The following JADE3 variants were observed in gnomAD, a reference collection of about 807,000 sequenced individuals.
JADE3 encodes jade family PHD finger 3.
A neutral mutation model predicts 50.1 loss-of-function variants in JADE3; 2 were observed. The observed-to-expected ratio is 0.04, with a 90% CI of 0.02 to 0.13. The LOEUF is 0.13. Ranked by LOEUF, JADE3 falls within the 10% of genes least tolerant of loss-of-function variation. The pLI, the probability that JADE3 is intolerant of heterozygous loss-of-function variation, is 1.00. For synonymous variants in JADE3, 218 were observed against 232.9 expected (o/e 0.94, Z 0.58); for missense variants, 475 against 634.4 (o/e 0.75, Z 2.70).
intron 1 of JADE3, among the ~76,000 whole-genome samples, chrX:46,966,917 G>C (rs782013655): frequency 3.6e-5 from 4 of 111,972 alleles, no homozygotes; most frequent in African/African-American, 1.3e-4. Context: ...CATATGTTTA[G>C]AGCTGTCTAG....
At chrX:46,917,667 G>T (rs1926114576) in intron 1 of JADE3, among the ~76,000 whole-genome samples, 1 of 110,822 alleles carries the variant, frequency 9.0e-6, no homozygotes, top group Non-Finnish European at 1.9e-5. Flanking sequence ...AGGACTTGGG[G>T]TAAGAGAGAT....
intron 4 of JADE3, among the ~76,000 whole-genome samples, chrX:47,010,538 A>G (rs1207616252): frequency 1.8e-5 from 2 of 112,577 alleles, no homozygotes; most frequent in African/African-American, 3.2e-5. Context: ...AAATCAAGAT[A>G]GAATTCACAT....
At position 47,041,484 on chromosome X, in the gene JADE3, G is replaced by A. The variant is rs142405175; in HGVS notation, c.972+2419G>A. On this transcript the variant is annotated intron_variant, in intron 8 of 10. Coordinates refer to ENST00000614628, the MANE Select transcript of JADE3 (RefSeq NM_014735.5). ...TAGCTCACTGCAGCCTTGAACTCCC[G>A]GGCTCAAATGATCCTCCCGAGTAGC... Among the ~76,000 whole-genome samples, 319 of 109,732 alleles carry A rather than the reference G, an allele frequency of 2.9e-3. 1 individual carries two copies. The highest frequency in any genetic ancestry group is 9.9e-3 in the African/African-American group (299 of 30,160).
chrX:47,023,187 A>G (rs935332689), intron 4 of JADE3, among the ~76,000 whole-genome samples: 1 of 111,346 alleles, frequency 9.0e-6, no homozygotes, highest in Non-Finnish European at 1.9e-5. Context: ...AACGTGTGCC[A>G]TGGTCGTTTG....
At chrX:47,033,364 C>T (rs1317241612) in intron 6 of JADE3, among the ~76,000 whole-genome samples, 2 of 112,063 alleles carry the variant, frequency 1.8e-5, no homozygotes, top group Non-Finnish European at 3.8e-5. Flanking sequence ...GTTGGGTTAA[C>T]GGTTGGCTGT....
chrX:47,018,614 G>A (rs1288368094), intron 4 of JADE3, among the ~76,000 whole-genome samples: 2 of 112,188 alleles, frequency 1.8e-5, no homozygotes, highest in East Asian at 5.6e-4. Context: ...GATTACAGGT[G>A]TGAGCCGCCG....
intron 4 of JADE3, among the ~76,000 whole-genome samples, chrX:47,001,241 C>T (rs1210891345): frequency 9.0e-6 from 1 of 111,341 alleles, no homozygotes; most frequent in East Asian, 2.8e-4. Context: ...GCATCAGAAT[C>T]ATTTGGAGGG....
At chrX:46,923,190 C>A (rs142332308) in intron 1 of JADE3, among the ~76,000 whole-genome samples, 1 of 107,403 alleles carries the variant, frequency 9.3e-6, no homozygotes, top group South Asian at 4.1e-4. Context: ...TTTTTAAGAT[C>A]TTTTGTAGAG....
chrX:47,033,529 G>A, intron 6 of JADE3, 92 bp from the exon 7 acceptor site: 1 of 706,642 alleles, frequency 1.4e-6, no homozygotes. Context: ...TCTCCCAAAA[G>A]CAGAGGATAC....
chrX:46,963,161 A>G (rs1239944584), intron 1 of JADE3, among the ~76,000 whole-genome samples: 1 of 111,921 alleles, frequency 8.9e-6, no homozygotes, highest in African/African-American at 3.2e-5. Flanking sequence ...ATAGTTAACC[A>G]CTGGTTGCAG....
chrX:46,938,473 A>C (rs1556341615), intron 1 of JADE3, among the ~76,000 whole-genome samples: 1 of 111,728 alleles, frequency 9.0e-6, no homozygotes, highest in African/African-American at 3.3e-5. Context: ...TCCTTTCTTT[A>C]TGTCATAGTT....
At chrX:47,052,203 C>T (rs1929524496) in intron 8 of JADE3, among the ~76,000 whole-genome samples, 1 of 109,783 alleles carries the variant, frequency 9.1e-6, no homozygotes, top group African/African-American at 3.3e-5. Flanking sequence ...CAGGTCCTTC[C>T]CCCTTTGCCC....
chrX:47,058,134 G>A (rs1929668152), intron 10 of JADE3, 33 bp from the exon 11 acceptor site: 1 of 1,139,637 alleles, frequency 8.8e-7, no homozygotes. Context: ...ATTTAAATCG[G>A]TTGTTAAAAC....
chrX:47,043,711 C>T (rs1450943640), intron 8 of JADE3, among the ~76,000 whole-genome samples: 5 of 107,699 alleles, frequency 4.6e-5, no homozygotes, highest in African/African-American at 1.4e-4. Flanking sequence ...CCCAGCTACC[C>T]GGGAGGCTGA....
chrX:47,001,614 A>G (rs1173180008), intron 4 of JADE3, among the ~76,000 whole-genome samples: 2 of 111,768 alleles, frequency 1.8e-5, no homozygotes, highest in African/African-American at 6.5e-5. Context: ...ATCATTTTGC[A>G]TGGGTCAAAC....
intron 8 of JADE3, among the ~76,000 whole-genome samples, chrX:47,047,392 C>T (rs985493348): frequency 9.1e-6 from 1 of 110,406 alleles, no homozygotes; most frequent in African/African-American, 3.3e-5. Context: ...ACTAAAAATA[C>T]AAAAAGTAGT....
chrX:46,948,932 T>TA (rs1326099353), intron 1 of JADE3, among the ~76,000 whole-genome samples: 1 of 111,075 alleles, frequency 9.0e-6, no homozygotes, highest in East Asian at 2.8e-4. Context: ...CACAATTTTT[T>TA]AAAAAAACTC....
At chrX:47,024,681 T>A in intron 4 of JADE3, 43 bp from the exon 5 acceptor site, 1 of 906,443 alleles carries the variant, frequency 1.1e-6, no homozygotes, top group Non-Finnish European at 1.6e-6. Flanking sequence ...CTGAAATCTG[T>A]CATTTGTTGA....
chrX:47,011,036 C>G (rs1488500827), intron 4 of JADE3, among the ~76,000 whole-genome samples: 1 of 110,995 alleles, frequency 9.0e-6, no homozygotes, highest in East Asian at 2.8e-4. Context: ...GACACCAGCC[C>G]TATCAGACTA....
Sources: allele counts gnomAD v4.1 joint callset (sites outside exome capture counted in the v4.1 genomes callset), GRCh38; gene constraint gnomAD v4.1.1; transcripts MANE v1.5; gene names NCBI Gene and HGNC (gene_info 2026-07-23, HGNC 2026-07-21).